ABCD2: variants seen among roughly 807,000 people sequenced by gnomAD.
ABCD2 encodes the protein ATP binding cassette subfamily D member 2.
ABCD2 carries 36 observed loss-of-function variants against 70.9 expected under a neutral mutation model. The ratio of observed to expected loss-of-function variants is 0.51; its 90% CI spans 0.39 to 0.67. The LOEUF (loss-of-function observed/expected upper bound fraction) is 0.67. Among genes scored for constraint, ABCD2 ranks in the 30% least tolerant of loss-of-function variants. The pLI is 0.00. For synonymous variants in ABCD2, 304 were observed against 306.9 expected, an observed-to-expected ratio of 0.99 and a Z score of 0.10; for missense variants, 729 against 890.2, an observed-to-expected ratio of 0.82 and a Z score of 2.30.
intron 9 of ABCD2, among the ~76,000 whole-genome samples, chr12:39,555,258 T>C (rs1941145296): frequency 2.0e-5 from 3 of 152,156 alleles, no homozygotes; most frequent in Non-Finnish European, 4.4e-5. Flanking sequence ...ATTTCTCTAT[T>C]ATAGACATTT....
At chr12:39,587,450 C>T (rs918104289) in intron 6 of ABCD2, among the ~76,000 whole-genome samples, 1 of 152,152 alleles carries the variant, frequency 6.6e-6, no homozygotes. Context: ...AGCACCCCTT[C>T]CTGTAGTGAA....
intron 9 of ABCD2, among the ~76,000 whole-genome samples, chr12:39,555,466 A>C (rs1289939913): frequency 6.6e-6 from 1 of 152,192 alleles, no homozygotes; most frequent in Non-Finnish European, 1.5e-5. Flanking sequence ...ACCAGGCAAG[A>C]GTTCACAGTA....
At chr12:39,543,758 C>CT in the ABCD2 span, among the ~76,000 whole-genome samples, 2 of 152,154 alleles carry the variant, frequency 1.3e-5, no homozygotes, top group African/African-American at 4.8e-5. Flanking sequence ...TTCCTTTTCC[C>CT]TTTTTTCTGT....
At chr12:39,558,689 A>G (rs1361152052) in intron 9 of ABCD2, among the ~76,000 whole-genome samples, 1 of 152,132 alleles carries the variant, frequency 6.6e-6, no homozygotes, top group Admixed American at 6.6e-5. Flanking sequence ...TTCTGCCACG[A>G]TCATAAGTTT....
intron 6 of ABCD2, among the ~76,000 whole-genome samples, chr12:39,587,107 G>T (rs1253026816): frequency 6.6e-6 from 1 of 152,124 alleles, no homozygotes; most frequent in Non-Finnish European, 1.5e-5. Flanking sequence ...AAAAAAAGAT[G>T]CATGAGGTTA....
chr12:39,563,872 T>C (rs1941299213), intron 9 of ABCD2, among the ~76,000 whole-genome samples: 1 of 152,040 alleles, frequency 6.6e-6, no homozygotes, highest in African/African-American at 2.4e-5. Flanking sequence ...TGAGAACATG[T>C]GGTGTTTGGT....
chr12:39,565,530 C>T (rs1241446675), intron 9 of ABCD2, among the ~76,000 whole-genome samples: 1 of 152,182 alleles, frequency 6.6e-6, no homozygotes, highest in Non-Finnish European at 1.5e-5. Context: ...GGATTTTGGG[C>T]TGAGACAATG....
chr12:39,564,373 T>G (rs976063675), intron 9 of ABCD2, among the ~76,000 whole-genome samples: 4 of 152,254 alleles, frequency 2.6e-5, no homozygotes, highest in African/African-American at 9.6e-5. Flanking sequence ...ATTGCTCTGA[T>G]GGCCAATGAT....
At chr12:39,617,835 A>G (rs1446088818) in intron 1 of ABCD2, among the ~76,000 whole-genome samples, 3 of 152,212 alleles carry the variant, frequency 2.0e-5, no homozygotes, top group Non-Finnish European at 4.4e-5. Context: ...TTTATTCACC[A>G]AGTCATTTAA....
intron 9 of ABCD2, among the ~76,000 whole-genome samples, chr12:39,573,053 G>A (rs1941469895): frequency 6.6e-6 from 1 of 152,038 alleles, no homozygotes; most frequent in Non-Finnish European, 1.5e-5. Context: ...CTGTAAAATA[G>A]GAAGATTAGA....
At chr12:39,557,690 C>G (rs1225518573) in intron 9 of ABCD2, among the ~76,000 whole-genome samples, 1 of 152,130 alleles carries the variant, frequency 6.6e-6, no homozygotes, top group Non-Finnish European at 1.5e-5. Flanking sequence ...ACTTGGTGCC[C>G]TATGTCCCAG....
At chr12:39,565,767 G>A (rs1025451176) in intron 9 of ABCD2, among the ~76,000 whole-genome samples, 2 of 152,164 alleles carry the variant, frequency 1.3e-5, no homozygotes, top group African/African-American at 2.4e-5. Flanking sequence ...CTGTGGGTTT[G>A]TCATAGATAG....
chr12:39,560,598 TG>T (rs1033942866), intron 9 of ABCD2, among the ~76,000 whole-genome samples: 1 of 152,128 alleles, frequency 6.6e-6, no homozygotes, highest in African/African-American at 2.4e-5. Context: ...GGGTAAAGGT[TG>T]TGTTTTTTTG....
At chr12:39,538,453 G>T in the ABCD2 span, among the ~76,000 whole-genome samples, 1 of 152,094 alleles carries the variant, frequency 6.6e-6, no homozygotes, top group Non-Finnish European at 1.5e-5. Context: ...GGGATTACAG[G>T]CATGTGTACT....
Position 39,586,136 on chromosome 12 carries a change from GAAT to G in ABCD2, c.1792+13_1792+15del. The G allele has an allele frequency of 6.3e-7, 1 of 1,594,514 alleles. No homozygotes were observed. Reference sequence around the variant, plus strand: ...AAGTGAAGTTAAATGCATTAGAAAAGAATGATAGACTTTACCTCCTTCTCTTTG... The same window carrying G: ...AAGTGAAGTTAAATGCATTAGAAAAGGATAGACTTTACCTCCTTCTCTTTG... On this transcript the variant is annotated intron_variant, in intron 7 of 9. Transcript: ENST00000308666.
intron 8 of ABCD2, among the ~76,000 whole-genome samples, chr12:39,577,026 A>G (rs79583187): frequency 0.016 from 2,494 of 152,184 alleles, 66 homozygotes; most frequent in African/African-American, 0.056. Context: ...CTACATCAAA[A>G]TAATAAAAAT....
intron 9 of ABCD2, among the ~76,000 whole-genome samples, chr12:39,560,185 G>A (rs570025745): frequency 7.9e-5 from 12 of 152,078 alleles, no homozygotes; most frequent in East Asian, 5.8e-4. Context: ...AACAGGCCCC[G>A]GTGTGTGATG....
chr12:39,608,936 G>A (rs560276712), intron 2 of ABCD2, among the ~76,000 whole-genome samples: 1 of 151,990 alleles, frequency 6.6e-6, no homozygotes, highest in South Asian at 2.1e-4. Flanking sequence ...TAATCCTCTG[G>A]CATTTGTATA....
chr12:39,595,705 T>A (rs1941806688), intron 6 of ABCD2, among the ~76,000 whole-genome samples: 1 of 152,160 alleles, frequency 6.6e-6, no homozygotes, highest in South Asian at 2.1e-4. Context: ...TAAACAAATA[T>A]TGAGCTGATA....
Sources: gnomAD v4.1 joint callset for allele counts (sites outside exome capture counted in the v4.1 genomes callset) on GRCh38, gnomAD v4.1.1 for gene constraint, MANE v1.5 for transcripts, NCBI Gene and HGNC (gene_info 2026-07-23, HGNC 2026-07-21) for gene names.